ZNF84: variants seen among roughly 807,000 people sequenced by gnomAD.
ZNF84 encodes the protein zinc finger protein HPF2.
ZNF84 carries 12 observed loss-of-function variants against 14.8 expected under a neutral mutation model. The ratio of observed to expected loss-of-function variants is 0.81; its 90% confidence interval spans 0.52 to 1.31. The LOEUF (loss-of-function observed/expected upper bound fraction) is 1.31, where lower values mean the gene tolerates loss of function less well. Among genes scored for constraint, ZNF84 ranks in the 50% most tolerant of loss-of-function variants. The pLI is 0.00. For synonymous variants in ZNF84, 347 were observed against 291.1 expected, an observed-to-expected ratio of 1.19 and a Z score of -1.96; for missense variants, 859 against 878.6, an observed-to-expected ratio of 0.98 and a Z score of 0.28.
Position 133,057,174 on chromosome 12 carries a change from A to G in ZNF84, c.459A>G (p.Ala153=). 2 of 1,610,974 alleles carry G rather than the reference A, an allele frequency of 1.2e-6. No individual in the cohort carries two copies. Among genetic ancestry groups the G allele is most frequent in the Non-Finnish European group, 1.7e-6 (2 of 1,179,258 alleles). ...TTCCAAAAGGAGATTATGGAAAAGC[A>G]GAATCAGATGACTTTAATGTGTTTG... ...LLIPKGDYGK[A]ESDDFNVFDN... The change falls in exon 5 of 5, where the codon GCA becomes GCG. Residue 153 remains alanine (A), a synonymous_variant. Transcript: ENST00000539354.
rs1322008193 is a variant in ZNF84, at chr12:133,061,462, CAAAA to C, written c.*2534_*2537del. On this transcript the variant is annotated 3_prime_UTR_variant, in exon 5 of 5. Coordinates refer to ENST00000539354, the MANE Select transcript of ZNF84 (RefSeq NM_001289971.2). ...CCTGGGCGACAGAGCGAGCCTCTGT[CAAAA>C]AAAGAAAAGAAAAAGAACTTCCTAC... The C allele has an allele frequency of 1.1e-4, 17 of 151,910 alleles. No homozygotes were observed. Among genetic ancestry groups the C allele is most frequent in the African/African-American group, 4.1e-4 (17 of 41,442 alleles). The allele number at this position is 151,910 out of a possible 1,614,324, so 9.4% of individuals were successfully genotyped here. A position where few individuals can be genotyped will look rare whatever the true frequency, so the allele number is the denominator to read the frequency against.
chr12:133,058,652 A>G lies in ZNF84; in HGVS notation c.1937A>G (p.Gln646Arg), dbSNP rs990669983. 1.9e-6 allele frequency: 3 copies of G among 1,614,058 alleles called. No individual in the cohort carries two copies. The highest frequency in any genetic ancestry group is 2.5e-6 in the Non-Finnish European group (3 of 1,180,024). The stretch of plus-strand genomic sequence containing the variant: ...GAGAAGTCAAGTCTCATCAATCATC[A>G]GAGAATACATACAGGAGAGAAGCCT... ...FREKSSLINH[Q>R]RIHTGEKPFE... The change falls in exon 5 of 5, where the codon CAG (glutamine) becomes CGG (arginine). Residue 646 changes from glutamine (Q) to arginine (R), a missense_variant. Coordinates refer to ENST00000539354, the MANE Select transcript of ZNF84 (RefSeq NM_001289971.2).
chr12:133,048,812 G>A lies in ZNF84; in HGVS notation c.202G>A (p.Val68Ile), dbSNP rs979084798. ...FKLEQGEEPW[V>I]GDGEIPSSDS... ...ATTGGAGCAAGGAGAAGAGCCGTGG[G>A]TAGGAGATGGAGAAATTCCAAGTTC... Residue 68 changes from valine (V) to isoleucine (I), a missense_variant, in exon 4 of 5, where the codon GTA (valine) becomes ATA (isoleucine). Coordinates refer to ENST00000539354, the MANE Select transcript of ZNF84 (RefSeq NM_001289971.2). 2.5e-6 allele frequency: 4 copies of A among 1,613,728 alleles called. No individual in the cohort carries two copies. Among genetic ancestry groups the A allele is most frequent in the Non-Finnish European group, 3.4e-6 (4 of 1,179,836 alleles).
chr12:133,055,509 C>G (rs1425998988), intron 4 of ZNF84, among the ~76,000 whole-genome samples: 17 of 151,764 alleles, frequency 1.1e-4, no homozygotes, highest in African/African-American at 4.1e-4. Flanking sequence ...CCAAAGGAGA[C>G]AAAAGAATCA....
intron 2 of ZNF84, among the ~76,000 whole-genome samples, chr12:133,047,321 A>T (rs1226410389): frequency 6.6e-6 from 1 of 152,138 alleles, no homozygotes; most frequent in Non-Finnish European, 1.5e-5. Context: ...TGCATGCCTG[A>T]TAAAAATTAT....
At position 133,058,396 on chromosome 12, in the gene ZNF84, C is replaced by T; in HGVS notation, c.1681C>T (p.His561Tyr). 6.2e-7 allele frequency: 1 copy of T among 1,614,004 alleles called. No individual in the cohort carries two copies. Among genetic ancestry groups the T allele is most frequent in the Admixed American group, 1.7e-5 (1 of 60,014 alleles). Residue 561 changes from histidine (H) to tyrosine (Y), a missense_variant, in exon 5 of 5, where the codon CAT (histidine) becomes TAT (tyrosine). By Grantham distance (83) the His-to-Tyr change is moderately conservative (BLOSUM62 2). Transcript: ENST00000539354. ...AFGEKSSLAT[H>Y]QRTHTGEKPY... The stretch of plus-strand genomic sequence containing the variant: ...TGGTGAGAAGTCAAGTCTTGCAACT[C>T]ATCAGAGAACTCATACTGGAGAAAA...
intron 4 of ZNF84, among the ~76,000 whole-genome samples, chr12:133,051,827 C>T (rs2137389811): frequency 6.6e-6 from 1 of 152,268 alleles, no homozygotes; most frequent in African/African-American, 2.4e-5. Context: ...AGATGCCAGC[C>T]AGGGGCCAGT....
At position 133,057,066 on chromosome 12, in the gene ZNF84, C is replaced by T. The variant is rs1954172273; in HGVS notation, c.351C>T (p.Asn117=). The T allele has an allele frequency of 6.2e-7, 1 of 1,613,384 alleles. No homozygotes were observed. Among genetic ancestry groups the T allele is most frequent in the Non-Finnish European group, 8.5e-7 (1 of 1,179,842 alleles). Residue 117 remains asparagine (N), a synonymous_variant, in exon 5 of 5, where the codon AAC becomes AAT. Coordinates refer to ENST00000539354, the MANE Select transcript of ZNF84 (RefSeq NM_001289971.2). ...CDAFGKNFNL[N]MNFVPLRKSN... ...CATTTGGAAAAAATTTCAATCTGAA[C>T]ATGAACTTTGTTCCTTTAAGGAAAT...
rs1408756049 is a variant in ZNF84, at chr12:133,059,072, A to C, written c.*140A>C. On this transcript the variant is annotated 3_prime_UTR_variant, in exon 5 of 5. Transcript: ENST00000539354. ...AACTCTAAATGAGGTGGTGTATGGA[A>C]AGCCGATCATAATTCATAGAGTAGA... The C allele has an allele frequency of 3.6e-6, 3 of 842,620 alleles. No individual in the cohort carries two copies. Among genetic ancestry groups the C allele is most frequent in the African/African-American group, 1.7e-5 (1 of 58,996 alleles). The allele number at this position is 842,620 out of a possible 1,614,324, so 52.2% of individuals were successfully genotyped here.
chr12:133,048,931 G>A, intron 4 of ZNF84, 83 bp downstream of exon 4: 1 of 1,142,958 alleles, frequency 8.7e-7, no homozygotes. Context: ...AGTCAGTGAT[G>A]GGTGGGCTGG....
chr12:133,038,520 C>A (rs965155738), intron 1 of ZNF84, among the ~76,000 whole-genome samples: 3 of 150,670 alleles, frequency 2.0e-5, no homozygotes, highest in Non-Finnish European at 4.4e-5. Flanking sequence ...ATGGTTATGC[C>A]ATTGCACTTC....
At position 133,060,731 on chromosome 12, in the gene ZNF84, C is replaced by A. The variant is rs1326581811; in HGVS notation, c.*1799C>A. 1 of 152,168 alleles carries A rather than the reference C, an allele frequency of 6.6e-6. No individual in the cohort carries two copies. 9.4% of individuals were successfully genotyped at this position (152,168 alleles called of 1,614,324 possible). On this transcript the variant is annotated 3_prime_UTR_variant, in exon 5 of 5. Coordinates refer to ENST00000539354, the MANE Select transcript of ZNF84 (RefSeq NM_001289971.2). ...ATTTGAAATGTATTTGACTTTGTTT[C>A]ACTAGTTGCATTATCCCCATGGAAA...
rs1309214493 is a variant in ZNF84 at position 133,059,440 on chromosome 12, C to T, written c.*508C>T. The T allele has an allele frequency of 6.3e-6, 1 of 158,188 alleles. No individual in the cohort carries two copies. Among genetic ancestry groups the T allele is most frequent in the Admixed American group, 6.4e-5 (1 of 15,640 alleles). The allele number at this position is 158,188 out of a possible 1,614,324, so 9.8% of individuals were successfully genotyped here. A position where few individuals can be genotyped will look rare whatever the true frequency, so the allele number is the denominator to read the frequency against. On this transcript the variant is annotated 3_prime_UTR_variant, in exon 5 of 5. Coordinates refer to ENST00000539354, the MANE Select transcript of ZNF84 (RefSeq NM_001289971.2). Reference sequence around the variant, plus strand: ...TATGGAGAACCTAACAATTTAAAGACACTGGGAACACTTGCCCCTCAGTAT... The same window carrying T: ...TATGGAGAACCTAACAATTTAAAGATACTGGGAACACTTGCCCCTCAGTAT...
At chr12:133,043,461 G>T (rs951877484) in intron 2 of ZNF84, among the ~76,000 whole-genome samples, 27 of 152,174 alleles carry the variant, frequency 1.8e-4, no homozygotes, top group Admixed American at 1.8e-3. Context: ...GAGCCACTAC[G>T]CCTGGCCAAC....
chr12:133,055,560 CAG>C (rs1276516257), intron 4 of ZNF84, among the ~76,000 whole-genome samples: 14 of 152,006 alleles, frequency 9.2e-5, no homozygotes, highest in Non-Finnish European at 1.6e-4. Context: ...AATTTAGACA[CAG>C]AAATTCTCAG....
chr12:133,043,404 A>G (rs534001332), intron 2 of ZNF84, among the ~76,000 whole-genome samples: 2,909 of 152,192 alleles, frequency 0.019, 34 homozygotes, highest in Middle Eastern at 0.044. Context: ...AGCTCAGGCA[A>G]TCCGCCTGCC....
intron 4 of ZNF84, among the ~76,000 whole-genome samples, chr12:133,054,842 A>C (rs1157510948): frequency 6.6e-6 from 1 of 152,162 alleles, no homozygotes; most frequent in Non-Finnish European, 1.5e-5. Context: ...GGCTTAGAAT[A>C]GTACCTAACA....
chr12:133,044,486 A>G (rs1194984788), intron 2 of ZNF84, among the ~76,000 whole-genome samples: 2 of 152,180 alleles, frequency 1.3e-5, no homozygotes, highest in African/African-American at 2.4e-5. Context: ...TGGAAGAATC[A>G]CCACTAAAAC....
rs913940954 is a variant in ZNF84 at position 133,063,133 on chromosome 12, A to G, written c.*4201A>G. 1.7e-4 allele frequency: 119 copies of G among 702,382 alleles called. 2 individuals are homozygous for G. In the African/African-American group the frequency reaches 1.8e-3, roughly 10 times the overall value. 43.5% of individuals were successfully genotyped at this position (702,382 alleles called of 1,614,324 possible). A position where few individuals can be genotyped will look rare whatever the true frequency, so the allele number is the denominator to read the frequency against. On this transcript the variant is annotated 3_prime_UTR_variant, in exon 5 of 5. Transcript: ENST00000539354. ...ACATGGTCTGCAGTGAGAGAGAAGAATGAAGCCATGATGAAAGCAAAATCA... is the reference window on the plus strand; with the variant it reads ...ACATGGTCTGCAGTGAGAGAGAAGAGTGAAGCCATGATGAAAGCAAAATCA...
Sources: gnomAD v4.1 joint callset for allele counts (sites outside exome capture counted in the v4.1 genomes callset) on GRCh38, gnomAD v4.1.1 for gene constraint, MANE v1.5 for transcripts, NCBI Gene and HGNC (gene_info 2026-07-23, HGNC 2026-07-21) for gene names.